MAGI1: variants seen among roughly 807,000 people sequenced by gnomAD.
MAGI1 encodes the protein membrane-associated guanylate kinase, WW and PDZ domain-containing protein 1.
In MAGI1, 58 loss-of-function variants were observed where a neutral mutation model predicts 139.9. The observed-to-expected ratio is 0.41, with a 90% CI of 0.34 to 0.52. The LOEUF (loss-of-function observed/expected upper bound fraction) is 0.52. MAGI1 is among the 20% of genes least tolerant of loss of function. The pLI is 0.12. For missense variants in MAGI1, 1,874 were observed against 1,901.6 expected (o/e 0.99, Z 0.27); for synonymous variants, 812 against 737.9 (o/e 1.10, Z -1.63).
chr3:65,756,778 T>C (rs1157819278), intron 1 of MAGI1, among the ~76,000 whole-genome samples: 2 of 152,094 alleles, frequency 1.3e-5, no homozygotes, highest in Non-Finnish European at 2.9e-5. Flanking sequence ...GTTCAGAGAA[T>C]AGAGTTAAAA....
intron 1 of MAGI1, among the ~76,000 whole-genome samples, chr3:65,885,763 C>A (rs1390263488): frequency 6.6e-6 from 1 of 152,218 alleles, no homozygotes; most frequent in Non-Finnish European, 1.5e-5. Context: ...CCATGTGGAA[C>A]TGTAAGTCCA....
chr3:65,915,288 G>C lies in MAGI1; in HGVS notation c.313+122708C>G, dbSNP rs1029088165. Among the ~76,000 whole-genome samples, 8 of 152,188 alleles carry C rather than the reference G, an allele frequency of 5.3e-5. No homozygotes were observed. In the East Asian group the frequency reaches 1.5e-3, roughly 29 times the overall value. Reference sequence around the variant, plus strand: ...CTTGTACATATTTAGCATTAATTCTGTTAAATATTTTTAAATACTCAATTC... The same window carrying C: ...CTTGTACATATTTAGCATTAATTCTCTTAAATATTTTTAAATACTCAATTC... On this transcript the variant is annotated intron_variant, in intron 1 of 22. Coordinates refer to ENST00000402939, the MANE Select transcript of MAGI1 (RefSeq NM_001033057.2).
intron 1 of MAGI1, among the ~76,000 whole-genome samples, chr3:65,809,454 A>C (rs1168464814): frequency 6.6e-6 from 1 of 152,216 alleles, no homozygotes; most frequent in Non-Finnish European, 1.5e-5. Context: ...TGCTTACCCA[A>C]GTCAGAGGAC....
intron 1 of MAGI1, among the ~76,000 whole-genome samples, chr3:65,646,476 TTC>T (rs978675181): frequency 6.6e-6 from 1 of 151,920 alleles, no homozygotes; most frequent in African/African-American, 2.4e-5. Context: ...CTCTCTCTCT[TTC>T]TCTCTCTCAA....
intron 2 of MAGI1, among the ~76,000 whole-genome samples, chr3:65,498,295 A>AG (rs1403962241): frequency 2.0e-5 from 3 of 151,762 alleles, no homozygotes; most frequent in Non-Finnish European, 4.4e-5. Flanking sequence ...AAAGAAAAAA[A>AG]AAAGCGACCA....
intron 5 of MAGI1, among the ~76,000 whole-genome samples, chr3:65,468,654 G>A (rs1312641866): frequency 6.6e-6 from 1 of 152,102 alleles, no homozygotes; most frequent in South Asian, 2.1e-4. Flanking sequence ...TGAGATTACA[G>A]GCGTGAGCCA....
At chr3:65,858,839 C>T (rs535973293) in intron 1 of MAGI1, among the ~76,000 whole-genome samples, 1 of 152,296 alleles carries the variant, frequency 6.6e-6, no homozygotes, top group South Asian at 2.1e-4. Flanking sequence ...TAAATCAAAT[C>T]CTATTTTCTG....
intron 1 of MAGI1, among the ~76,000 whole-genome samples, chr3:65,666,108 A>AG: frequency 6.6e-6 from 1 of 152,156 alleles, no homozygotes; most frequent in East Asian, 1.9e-4. Flanking sequence ...GGAGCCCTTC[A>AG]GTACTAATCA....
rs150761221 is a variant in MAGI1, at chr3:66,022,605, G to A, written c.313+15391C>T. ...CCTTACACTGGAATGAACAATTACT[G>A]GGGATTTTTTTCCATCTTTGCCTAA... On this transcript the variant is annotated intron_variant, in intron 1 of 22. Coordinates refer to ENST00000402939, the MANE Select transcript of MAGI1 (RefSeq NM_001033057.2). Among the ~76,000 whole-genome samples, 11 of 152,240 alleles carry A rather than the reference G, an allele frequency of 7.2e-5. No individual in the cohort carries two copies. In the East Asian group the frequency reaches 2.1e-3, roughly 29 times the overall value.
At chr3:65,411,936 G>A (rs1319983408) in intron 12 of MAGI1, among the ~76,000 whole-genome samples, 1 of 151,990 alleles carries the variant, frequency 6.6e-6, no homozygotes, top group Non-Finnish European at 1.5e-5. Flanking sequence ...TTGCCTAGAT[G>A]ACCACATGAG....
At chr3:65,794,948 A>G (rs183865840) in intron 1 of MAGI1, among the ~76,000 whole-genome samples, 45 of 152,310 alleles carry the variant, frequency 3.0e-4, no homozygotes, top group African/African-American at 9.9e-4. Flanking sequence ...TAAGCACATG[A>G]AAAGATGTGT....
intron 1 of MAGI1, among the ~76,000 whole-genome samples, chr3:65,786,498 G>A (rs911794334): frequency 3.3e-5 from 5 of 151,846 alleles, no homozygotes; most frequent in African/African-American, 4.8e-5. Flanking sequence ...TGTAGAGACA[G>A]GGTTTCCCCA....
chr3:65,457,003 C>T (rs890670938), intron 5 of MAGI1, among the ~76,000 whole-genome samples: 2 of 152,042 alleles, frequency 1.3e-5, no homozygotes, highest in Non-Finnish European at 2.9e-5. Flanking sequence ...TTCATTCTTC[C>T]TTTTTGTAAT....
At chr3:65,576,552 T>C (rs1050304688) in intron 2 of MAGI1, among the ~76,000 whole-genome samples, 1 of 152,218 alleles carries the variant, frequency 6.6e-6, no homozygotes, top group African/African-American at 2.4e-5. Context: ...AATACGTTTT[T>C]ATCTTCATCT....
chr3:65,390,064 C>T (rs191724324), intron 14 of MAGI1, among the ~76,000 whole-genome samples: 17 of 152,268 alleles, frequency 1.1e-4, no homozygotes, highest in Admixed American at 7.8e-4. Context: ...GCATGCACCT[C>T]GGCCGGCAAA....
intron 1 of MAGI1, among the ~76,000 whole-genome samples, chr3:65,971,930 C>T (rs1319745418): frequency 6.6e-6 from 1 of 152,246 alleles, no homozygotes; most frequent in East Asian, 1.9e-4. Flanking sequence ...ATAATCATGT[C>T]GTACCTCAGC....
At chr3:65,950,126 G>GT (rs5849703) in intron 1 of MAGI1, among the ~76,000 whole-genome samples, 49,505 of 102,300 alleles carry the variant, frequency 0.48, 13,479 homozygotes, top group Admixed American at 0.55. Context: ...CAATATTACT[G>GT]TTTTTTTTTT....
chr3:65,946,768 A>C (rs1253032496), intron 1 of MAGI1, among the ~76,000 whole-genome samples: 7 of 152,240 alleles, frequency 4.6e-5, no homozygotes, highest in Non-Finnish European at 5.9e-5. Context: ...AACGAAAAAC[A>C]ATCCACATGA....
intron 6 of MAGI1, among the ~76,000 whole-genome samples, chr3:65,449,018 T>C (rs1559562488): frequency 6.6e-6 from 1 of 151,338 alleles, no homozygotes. Flanking sequence ...CTGCACATGT[T>C]AGGTACTAAA....
Sources: gnomAD v4.1 joint callset for allele counts (sites outside exome capture counted in the v4.1 genomes callset) on GRCh38, gnomAD v4.1.1 for gene constraint, MANE v1.5 for transcripts, NCBI Gene and HGNC (gene_info 2026-07-23, HGNC 2026-07-21) for gene names.